Variants in GULP1 observed in about 807,000 individuals in gnomAD.
The protein encoded by GULP1 is GULP PTB domain containing engulfment adaptor 1, also known as PTB domain-containing engulfment adapter protein 1.
GULP1 carries 19 observed loss-of-function variants against 40.9 expected under a neutral mutation model. That is an observed-to-expected ratio of 0.46 (90% confidence interval 0.32 to 0.68). GULP1 has a LOEUF of 0.68. GULP1 is among the 30% of genes least tolerant of loss of function. The pLI, the probability that GULP1 is intolerant of heterozygous loss-of-function variation, is 0.03. For synonymous variants in GULP1, 119 were observed against 117.6 expected, an observed-to-expected ratio of 1.01 and a Z score of -0.08; for missense variants, 312 against 362.2, an observed-to-expected ratio of 0.86 and a Z score of 1.12.
intron 7 of GULP1, among the ~76,000 whole-genome samples, chr2:188,548,857 T>TG (rs1302921003): frequency 6.6e-6 from 1 of 151,300 alleles, no homozygotes; most frequent in Non-Finnish European, 1.5e-5. Flanking sequence ...TGTTTTGTTT[T>TG]GTTTTATTTT....
At chr2:188,492,089 A>G (rs1559303532) in intron 4 of GULP1, among the ~76,000 whole-genome samples, 1 of 152,068 alleles carries the variant, frequency 6.6e-6, no homozygotes, top group Non-Finnish European at 1.5e-5. Context: ...AATATCTTGC[A>G]CAGATGTGAT....
chr2:188,556,221 C>T (rs1694725947), intron 7 of GULP1, among the ~76,000 whole-genome samples: 1 of 152,208 alleles, frequency 6.6e-6, no homozygotes, highest in South Asian at 2.1e-4. Context: ...AGGCTTTCCT[C>T]ATTCTTTTCT....
At chr2:188,473,017 T>C (rs2060714542) in intron 2 of GULP1, among the ~76,000 whole-genome samples, 1 of 151,882 alleles carries the variant, frequency 6.6e-6, no homozygotes, top group South Asian at 2.1e-4. Flanking sequence ...CCAGTAATGC[T>C]GTGGTTCTTA....
At chr2:188,573,322 A>G (rs969055852) in intron 9 of GULP1, among the ~76,000 whole-genome samples, 1 of 152,212 alleles carries the variant, frequency 6.6e-6, no homozygotes, top group Admixed American at 6.5e-5. Context: ...AATTCCTGAT[A>G]TTAAAATAAA....
At chr2:188,385,342 T>C (rs1035336986) in intron 2 of GULP1, among the ~76,000 whole-genome samples, 1 of 152,110 alleles carries the variant, frequency 6.6e-6, no homozygotes, top group Non-Finnish European at 1.5e-5. Context: ...TTGGCCACTT[T>C]TAGTCATGGC....
intron 4 of GULP1, among the ~76,000 whole-genome samples, chr2:188,512,760 T>C (rs1174375948): frequency 6.6e-6 from 1 of 152,098 alleles, no homozygotes; most frequent in African/African-American, 2.4e-5. Context: ...ATCCTCAAAC[T>C]TCCACACATT....
At chr2:188,300,757 A>G (rs2035985498) in intron 1 of GULP1, among the ~76,000 whole-genome samples, 3 of 152,284 alleles carry the variant, frequency 2.0e-5, no homozygotes, top group Admixed American at 2.0e-4. Context: ...TGTTAATTTG[A>G]AATAGTTAAT....
chr2:188,501,037 G>T (rs1034837318), intron 4 of GULP1, among the ~76,000 whole-genome samples: 1 of 151,838 alleles, frequency 6.6e-6, no homozygotes, highest in Admixed American at 6.6e-5. Flanking sequence ...TAGTTATAAT[G>T]ACCCTATATG....
intron 6 of GULP1, among the ~76,000 whole-genome samples, chr2:188,529,925 C>T (rs1242799868): frequency 2.0e-5 from 3 of 152,132 alleles, no homozygotes; most frequent in African/African-American, 7.2e-5. Context: ...GATAATGATT[C>T]ATGAATCAGG....
intron 2 of GULP1, among the ~76,000 whole-genome samples, chr2:188,464,607 C>G (rs1243196938): frequency 6.6e-6 from 1 of 152,174 alleles, no homozygotes. Flanking sequence ...TGAGTTGCCC[C>G]AGGACCTAGA....
At chr2:188,364,373 A>G (rs2046466590) in intron 1 of GULP1, among the ~76,000 whole-genome samples, 1 of 152,128 alleles carries the variant, frequency 6.6e-6, no homozygotes, top group Non-Finnish European at 1.5e-5. Flanking sequence ...TTAATTCCAA[A>G]CAGCATGTTC....
At position 188,595,623 on chromosome 2, in the gene GULP1, A is replaced by G. The variant is rs944406558; in HGVS notation, c.*1612A>G. On this transcript the variant is annotated 3_prime_UTR_variant, in exon 12 of 12. Transcript: ENST00000409830. Reference sequence around the variant, plus strand: ...TAAGTGGCTTTTTTTAACAGATAGAATTTGTATTTTTATTGTACTTTAAAA... The same window carrying G: ...TAAGTGGCTTTTTTTAACAGATAGAGTTTGTATTTTTATTGTACTTTAAAA... 6.6e-6 allele frequency: 1 copy of G among 152,072 alleles called. No homozygotes were observed. Among genetic ancestry groups the G allele is most frequent in the Non-Finnish European group, 1.5e-5 (1 of 67,722 alleles). 9.4% of individuals were successfully genotyped at this position (152,072 alleles called of 1,614,324 possible). A position where few individuals can be genotyped will look rare whatever the true frequency, so the allele number is the denominator to read the frequency against.
At chr2:188,293,990 A>G (rs997819502) in intron 1 of GULP1, 5 of 152,252 alleles carry the variant, frequency 3.3e-5, no homozygotes, top group African/African-American at 9.6e-5. Flanking sequence ...CATAGAGTGC[A>G]GTTGGATATG....
At chr2:188,567,245 T>C (rs935504954) in intron 7 of GULP1, among the ~76,000 whole-genome samples, 1 of 152,314 alleles carries the variant, frequency 6.6e-6, no homozygotes, top group Non-Finnish European at 1.5e-5. Context: ...GATCTAGAAC[T>C]AGAACTACCA....
chr2:188,375,784 G>T (rs1357544307), intron 1 of GULP1, among the ~76,000 whole-genome samples: 1 of 152,086 alleles, frequency 6.6e-6, no homozygotes, highest in African/African-American at 2.4e-5. Flanking sequence ...GAAGGCAGGG[G>T]CTTAAAATAT....
intron 2 of GULP1, among the ~76,000 whole-genome samples, chr2:188,439,601 G>A (rs756227789): frequency 2.6e-5 from 4 of 152,082 alleles, no homozygotes; most frequent in African/African-American, 4.8e-5. Flanking sequence ...GTGTGTGTAT[G>A]CGTATTTGTT....
intron 2 of GULP1, among the ~76,000 whole-genome samples, chr2:188,459,007 G>GT (rs1156306137): frequency 6.6e-6 from 1 of 152,022 alleles, no homozygotes; most frequent in Non-Finnish European, 1.5e-5. Flanking sequence ...CCATCCATTT[G>GT]TTGCAAATGA....
intron 7 of GULP1, among the ~76,000 whole-genome samples, chr2:188,544,369 A>C (rs964248239): frequency 6.6e-6 from 1 of 152,014 alleles, no homozygotes; most frequent in Non-Finnish European, 1.5e-5. Flanking sequence ...GAATGTAGAA[A>C]ATCTTATCAA....
chr2:188,364,801 A>G (rs2046550473), intron 1 of GULP1, among the ~76,000 whole-genome samples: 1 of 149,480 alleles, frequency 6.7e-6, no homozygotes, highest in Non-Finnish European at 1.5e-5. Context: ...TACATATCAT[A>G]TATACATAAA....
Sources: allele counts gnomAD v4.1 joint callset (sites outside exome capture counted in the v4.1 genomes callset), GRCh38; gene constraint gnomAD v4.1.1; transcripts MANE v1.5; gene names NCBI Gene and HGNC (gene_info 2026-07-23, HGNC 2026-07-21).